LRCH2: variants seen among roughly 807,000 people sequenced by gnomAD.
LRCH2 encodes the protein leucine-rich repeat and calponin homology domain-containing protein 2.
LRCH2 carries 38 observed loss-of-function variants against 68.9 expected under a neutral mutation model. The ratio of observed to expected loss-of-function variants is 0.55; its 90% CI spans 0.43 to 0.72. LRCH2 has a LOEUF of 0.72. LRCH2 is among the 30% of genes least tolerant of loss of function. LRCH2 has a pLI of 0.00. For synonymous variants in LRCH2, 191 were observed against 208.1 expected, an observed-to-expected ratio of 0.92 and a Z score of 0.71; for missense variants, 528 against 572.9, an observed-to-expected ratio of 0.92 and a Z score of 0.80.
At chrX:115,189,800 G>A (rs1408694532) in intron 1 of LRCH2, 7 of 1,167,206 alleles carry the variant, frequency 6.0e-6, no homozygotes, top group South Asian at 1.9e-5. Flanking sequence ...AGCCCACAGC[G>A]ACCCCCCTCT....
intron 1 of LRCH2, among the ~76,000 whole-genome samples, chrX:115,195,297 T>A (rs782056507): frequency 1.8e-4 from 19 of 105,875 alleles, no homozygotes; most frequent in East Asian, 6.0e-4. Context: ...AAAAAAAAAA[T>A]TGAAAGTTGT....
At chrX:115,222,414 T>A (rs973917202) in intron 1 of LRCH2, among the ~76,000 whole-genome samples, 1 of 111,739 alleles carries the variant, frequency 8.9e-6, no homozygotes, top group African/African-American at 3.2e-5. Context: ...ACGGGGACAA[T>A]TAGGCAAGAA....
Position 115,197,847 on chromosome X carries a change from T to TCTCTCTCTCTCTCTCTCTCTCTCA in LRCH2, c.350-9478_350-9477insTGAGAGAGAGAGAGAGAGAGAGAG, listed in dbSNP as rs782358260. ...CTCTCTCTCTCTCTCTCTCTCTCTCTCACACACACACACACACACACACAC... is the reference window on the plus strand; with the variant it reads ...CTCTCTCTCTCTCTCTCTCTCTCTCTCTCTCTCTCTCTCTCTCTCTCTCACACACACACACACACACACACACAC... On this transcript the variant is annotated intron_variant, in intron 1 of 20. Coordinates refer to ENST00000317135, the MANE Select transcript of LRCH2 (RefSeq NM_020871.4). Among the ~76,000 whole-genome samples the TCTCTCTCTCTCTCTCTCTCTCTCA allele has an allele frequency of 2.4e-4, 5 of 20,569 alleles. 1 individual carries two copies. The highest frequency in any genetic ancestry group is 9.7e-4 in the African/African-American group (5 of 5,177). 17.9% of individuals were successfully genotyped at this position (20,569 alleles called of 115,157 possible).
In LRCH2 at chrX:115,190,748, G is replaced by A; in HGVS notation, c.350-2378C>T. The A allele has an allele frequency of 2.6e-6, 3 of 1,166,081 alleles. 1 individual carries two copies. The South Asian group carries it at 5.7e-5, about 22-fold the overall frequency. On this transcript the variant is annotated intron_variant, in intron 1 of 20. Coordinates refer to ENST00000317135, the MANE Select transcript of LRCH2 (RefSeq NM_020871.4). ...GGCCGCTCACACGAGGCCCGCAGCG[G>A]GGGCCGCTCCACTGATGCCCACAGC...
At chrX:115,141,010 A>C (rs2072333074) in intron 14 of LRCH2, among the ~76,000 whole-genome samples, 1 of 109,504 alleles carries the variant, frequency 9.1e-6, no homozygotes, top group Non-Finnish European at 1.9e-5. Flanking sequence ...AGAGGGGTGG[A>C]TCACGAGGTC....
At chrX:115,127,298 T>C (rs1471239055) in intron 15 of LRCH2, among the ~76,000 whole-genome samples, 1 of 112,294 alleles carries the variant, frequency 8.9e-6, no homozygotes, top group Non-Finnish European at 1.9e-5. Context: ...GTATCTAATA[T>C]AGGCTTATTG....
intron 1 of LRCH2, among the ~76,000 whole-genome samples, chrX:115,203,791 G>A (rs1215283302): frequency 8.9e-6 from 1 of 112,272 alleles, no homozygotes; most frequent in African/African-American, 3.2e-5. Context: ...TGGTTTCAGG[G>A]GATGGCATTG....
intron 18 of LRCH2, 60 bp from the exon 19 acceptor site, chrX:115,122,957 A>T: frequency 9.1e-7 from 1 of 1,102,008 alleles, no homozygotes; most frequent in South Asian, 2.0e-5. Flanking sequence ...AAATGTTTAT[A>T]TTACTAATTG....
At chrX:115,170,984 C>T (rs1209514654) in intron 5 of LRCH2, among the ~76,000 whole-genome samples, 2 of 110,387 alleles carry the variant, frequency 1.8e-5, no homozygotes, top group Non-Finnish European at 3.8e-5. Flanking sequence ...GAATAATATC[C>T]TAAGAAATTA....
rs888429495 is a variant in LRCH2 at position 115,110,820 on chromosome X, C to T, written c.*2396G>A. On this transcript the variant is annotated 3_prime_UTR_variant, in exon 21 of 21. Transcript: ENST00000317135. ...TTAAACAAATGGTAATGCATTTTTA[C>T]TCCTTATTTCATTTCTAACATACCC... 1 of 111,605 alleles carries T rather than the reference C, an allele frequency of 9.0e-6. No individual in the cohort carries two copies. Among genetic ancestry groups the T allele is most frequent in the African/African-American group, 3.3e-5 (1 of 30,767 alleles). 9.2% of individuals were successfully genotyped at this position (111,605 alleles called of 1,213,427 possible). A position where few individuals can be genotyped will look rare whatever the true frequency, so the allele number is the denominator to read the frequency against.
chrX:115,132,528 G>T (rs1252753016), intron 14 of LRCH2, among the ~76,000 whole-genome samples: 1 of 111,814 alleles, frequency 8.9e-6, no homozygotes, highest in Middle Eastern at 4.2e-3. Context: ...CACAACCCTT[G>T]GAAAAATAGA....
intron 12 of LRCH2, among the ~76,000 whole-genome samples, chrX:115,155,492 C>A (rs2072468184): frequency 9.1e-6 from 1 of 109,860 alleles, no homozygotes; most frequent in African/African-American, 3.3e-5. Context: ...CTTCTTAATA[C>A]CAGAAAAAGA....
At chrX:115,192,625 G>T (rs1400952006) in intron 1 of LRCH2, 2 of 1,168,867 alleles carry the variant, frequency 1.7e-6, no homozygotes, top group East Asian at 6.4e-5. Context: ...CGAGAGGGGG[G>T]AAGGCCGGAG....
At chrX:115,179,850 A>G (rs1438301784) in intron 3 of LRCH2, 99 bp from the exon 4 acceptor site, 2 of 274,972 alleles carry the variant, frequency 7.3e-6, no homozygotes, top group African/African-American at 5.8e-5. Flanking sequence ...CATGGTTAAT[A>G]GCTAGCAAAA....
At chrX:115,136,657 A>G (rs2072292808) in intron 14 of LRCH2, among the ~76,000 whole-genome samples, 1 of 111,658 alleles carries the variant, frequency 9.0e-6, no homozygotes, top group Admixed American at 9.5e-5. Flanking sequence ...AGCAAAAAGA[A>G]CTAAGAAAGC....
At position 115,130,162 on chromosome X, in the gene LRCH2, T is replaced by A; in HGVS notation, c.1733A>T (p.Asn578Ile). The A allele has an allele frequency of 3.9e-6, 4 of 1,033,073 alleles. No homozygotes were observed. The highest frequency in any genetic ancestry group is 5.3e-6 in the Non-Finnish European group (4 of 757,581). 85.1% of individuals were successfully genotyped at this position (1,033,073 alleles called of 1,213,427 possible). The change falls in exon 15 of 21, where the codon AAT (asparagine) becomes ATT (isoleucine). Residue 578 changes from asparagine to isoleucine, a missense_variant. Transcript: ENST00000317135. Reference protein sequence around the residue: ...SMRKSSSGNENDEQDSDNANM... With the variant: ...SMRKSSSGNEIDEQDSDNANM... ...AATATTATCTTTTCTCACCTCATCATTTTCATTGCCACTTGAACTCTTCCT... is the reference window on the plus strand; with the variant it reads ...AATATTATCTTTTCTCACCTCATCAATTTCATTGCCACTTGAACTCTTCCT...
chrX:115,114,684 A>G (rs1222684500), intron 20 of LRCH2, among the ~76,000 whole-genome samples: 1 of 111,062 alleles, frequency 9.0e-6, no homozygotes, highest in Non-Finnish European at 1.9e-5. Flanking sequence ...TTCTACAAAT[A>G]CCAAAATGAT....
intron 1 of LRCH2, among the ~76,000 whole-genome samples, chrX:115,199,681 T>G (rs1279547717): frequency 2.8e-5 from 3 of 108,584 alleles, no homozygotes; most frequent in South Asian, 4.1e-4. Flanking sequence ...AAGAGAGAGA[T>G]AGACAGATAC....
intron 2 of LRCH2, among the ~76,000 whole-genome samples, chrX:115,185,566 C>A (rs1569515328): frequency 5.4e-5 from 6 of 111,590 alleles, no homozygotes; most frequent in African/African-American, 2.0e-4. Context: ...ATTTATAGAC[C>A]TATACCTAGC....
Sources: allele counts gnomAD v4.1 joint callset (sites outside exome capture counted in the v4.1 genomes callset), GRCh38; gene constraint gnomAD v4.1.1; transcripts MANE v1.5; gene names NCBI Gene and HGNC (gene_info 2026-07-23, HGNC 2026-07-21).